Variants in DNAH17 observed in about 807,000 individuals in gnomAD.
The protein encoded by DNAH17 is axonemal beta dynein heavy chain 17.
In DNAH17, 376 loss-of-function variants were observed where a neutral mutation model predicts 485.6. That is an observed-to-expected ratio of 0.77 (90% confidence interval 0.71 to 0.84). The LOEUF (loss-of-function observed/expected upper bound fraction) is 0.84. Ranked by LOEUF, DNAH17 falls within the 40% of genes least tolerant of loss-of-function variation. DNAH17 has a pLI of 0.00. For missense variants in DNAH17, 6,370 were observed against 5,839.3 expected (o/e 1.09, Z -2.96); for synonymous variants, 3,031 against 2,405.9 (o/e 1.26, Z -7.60).
chr17:78,481,507 G>C (rs1334388011), intron 48 of DNAH17, among the ~76,000 whole-genome samples: 1 of 152,170 alleles, frequency 6.6e-6, no homozygotes, highest in Non-Finnish European at 1.5e-5. Context: ...TGGGGTTTAT[G>C]TTCCAGCTCT....
Position 78,575,230 on chromosome 17 carries a change from TTGGGG to T in DNAH17, c.-25-153_-25-149del, listed in dbSNP as rs369224794. On this transcript the variant is annotated intron_variant, in intron 1 of 80. Transcript: ENST00000389840. ...TGTGCAGTTTTTAGCTGTGGTTGGG[TTGGGG>T]TGGGGGTGCTTTAGCAGGTGCTGGC... is the stretch of plus-strand genomic sequence containing the variant. The T allele has an allele frequency of 2.3e-4, 153 of 674,250 alleles. No individual in the cohort carries two copies. The African/African-American group carries it at 2.6e-3, about 11-fold the overall frequency. The allele number at this position is 674,250 out of a possible 1,614,324, so 41.8% of individuals were successfully genotyped here.
chr17:78,530,453 G>A lies in DNAH17; in HGVS notation c.3174C>T (p.Phe1058=). The A allele has an allele frequency of 6.2e-7, 1 of 1,613,612 alleles. No individual in the cohort carries two copies. Among genetic ancestry groups the A allele is most frequent in the Non-Finnish European group, 8.5e-7 (1 of 1,179,748 alleles). ...EVSKCENTKV[F]HGWLQCDCRP... ...GGCAGTCGCACTGCAGCCAGCCGTG[G>A]AACACCTTGGTGTTCTCGCACTTGG... The change falls in exon 21 of 81, where the codon TTC becomes TTT. Residue 1058 remains phenylalanine, a synonymous_variant. Transcript: ENST00000389840.
chr17:78,429,703 A>G (rs1372892771), intron 75 of DNAH17, among the ~76,000 whole-genome samples: 2 of 152,084 alleles, frequency 1.3e-5, no homozygotes, highest in Admixed American at 1.3e-4. Flanking sequence ...TTACCATCTG[A>G]GACTCTGCCC....
At chr17:78,462,774 T>C in intron 57 of DNAH17, 70 bp downstream of exon 57, 2 of 1,502,604 alleles carry the variant, frequency 1.3e-6, no homozygotes, top group Non-Finnish European at 1.8e-6. Context: ...TGGATGCCTG[T>C]GACAGTAGCA....
In DNAH17 at chr17:78,570,366, T is replaced by G; in HGVS notation, c.925A>C (p.Thr309Pro). The G allele has an allele frequency of 1.9e-6, 3 of 1,609,956 alleles. No individual in the cohort carries two copies. The highest frequency in any genetic ancestry group is 2.5e-6 in the Non-Finnish European group (3 of 1,178,646). Residue 309 changes from threonine to proline, a missense_variant, in exon 7 of 81, where the codon ACC (threonine) becomes CCC (proline). By Grantham distance (38) the Thr-to-Pro change is conservative. Transcript: ENST00000389840. ...GTGTCCAGCACCTTGGCAATGAAGGTGGGGAGCTGGGGGGAGACAGGCCCA... is the reference window on the plus strand; with the variant it reads ...GTGTCCAGCACCTTGGCAATGAAGGGGGGGAGCTGGGGGGAGACAGGCCCA... The part of the protein sequence containing the change: ...MEQADFTMLP[T>P]FIAKVLDTIC...
rs1391132804 is a variant in DNAH17 at position 78,459,692 on chromosome 17, G to A, written c.9653+92C>T. 1.6e-5 allele frequency: 23 copies of A among 1,430,228 alleles called. No individual in the cohort carries two copies. The East Asian group carries it at 2.3e-4, about 14-fold the overall frequency. 88.6% of individuals were successfully genotyped at this position (1,430,228 alleles called of 1,614,324 possible). On this transcript the variant is annotated intron_variant, in intron 60 of 80. Coordinates refer to ENST00000389840, the MANE Select transcript of DNAH17 (RefSeq NM_173628.4). ...CTAGATTTTGAGCCACAGGCCCCAA[G>A]AGCCTGAGGCCATGCTTCACCTCAG...
chr17:78,571,677 C>A lies in DNAH17; in HGVS notation c.645G>T (p.Ala215=). ...GCAGGGGGTGCAGCCCATCCAGCAG[C>A]GCCTGGGCTGAGTCTTTGCTCAGCA... ...RDVLSKDSAQ[A]LLDGLHPLPQ... Residue 215 remains alanine (A), a synonymous_variant, in exon 4 of 81, where the codon GCG becomes GCT. Transcript: ENST00000389840. 6.2e-7 allele frequency: 1 copy of A among 1,614,006 alleles called. No homozygotes were observed. Among genetic ancestry groups the A allele is most frequent in the Non-Finnish European group, 8.5e-7 (1 of 1,179,856 alleles).
chr17:78,570,267 A>G lies in DNAH17; in HGVS notation c.1024T>C (p.Cys342Arg). Residue 342 changes from cysteine (C) to arginine (R), a missense_variant, in exon 7 of 81, where the codon TGC (cysteine) becomes CGC (arginine). By Grantham distance (180) the Cys-to-Arg change is radical. Transcript: ENST00000389840. The part of the protein sequence containing the change: ...ARIIVILQEF[C>R]NQIIEMTRTF... The stretch of plus-strand genomic sequence containing the variant: ...GTTACCATCTCGATGATTTGGTTGC[A>G]GAACTCCTGCAGGATGACGATGATC... The G allele has an allele frequency of 6.3e-7, 1 of 1,590,966 alleles. No homozygotes were observed. Among genetic ancestry groups the G allele is most frequent in the Non-Finnish European group, 8.6e-7 (1 of 1,168,914 alleles).
chr17:78,472,934 A>G (rs981617094), intron 54 of DNAH17, among the ~76,000 whole-genome samples: 1 of 152,024 alleles, frequency 6.6e-6, no homozygotes, highest in African/African-American at 2.4e-5. Context: ...AGACATCTTG[A>G]TGTAGTCTCG....
intron 74 of DNAH17, among the ~76,000 whole-genome samples, chr17:78,436,574 C>G (rs1326490911): frequency 6.6e-6 from 1 of 150,978 alleles, no homozygotes. Context: ...GGCAGGAGCA[C>G]CCCCGAGGAC....
At chr17:78,536,256 G>A (rs1598664143) in intron 19 of DNAH17, among the ~76,000 whole-genome samples, 3 of 151,988 alleles carry the variant, frequency 2.0e-5, no homozygotes, top group East Asian at 1.9e-4. Flanking sequence ...TGGCCAACAT[G>A]GTGAAACCCC....
rs758716329 is a variant in DNAH17 at position 78,525,103 on chromosome 17, C to T, written c.3770G>A (p.Gly1257Asp). 2.5e-6 allele frequency: 4 copies of T among 1,613,528 alleles called. No individual in the cohort carries two copies. The highest frequency in any genetic ancestry group is 3.4e-6 in the Non-Finnish European group (4 of 1,179,858). ...GTCTGGGACGGGGACCTCGAACAGGCCCCCGGACTTGGACAGCGCCTCCAT... is the reference window on the plus strand; with the variant it reads ...GTCTGGGACGGGGACCTCGAACAGGTCCCCGGACTTGGACAGCGCCTCCAT... ...GIMEALSKSG[G>D]LFEVPVPDYK... The change falls in exon 25 of 81, where the codon GGC (glycine) becomes GAC (aspartate). Residue 1257 changes from glycine to aspartate, a missense_variant. Transcript: ENST00000389840.
rs1287583481 is a variant in DNAH17, at chr17:78,537,185, A to AG, written c.2859+113_2859+114insC. 6 of 1,199,810 alleles carry AG rather than the reference A, an allele frequency of 5.0e-6. No individual in the cohort carries two copies. In the East Asian group the frequency reaches 1.4e-4, roughly 27 times the overall value. The allele number at this position is 1,199,810 out of a possible 1,614,324, so 74.3% of individuals were successfully genotyped here. A position where few individuals can be genotyped will look rare whatever the true frequency, so the allele number is the denominator to read the frequency against. On this transcript the variant is annotated intron_variant, in intron 19 of 80. Coordinates refer to ENST00000389840, the MANE Select transcript of DNAH17 (RefSeq NM_173628.4). The stretch of plus-strand genomic sequence containing the variant: ...AGAGTGAGATTCCGTCTCAAAAAAA[A>AG]AAAAAGAAAAAAAGAAAAGGTAAAC...
chr17:78,547,460 T>C (rs1188014793), intron 16 of DNAH17, among the ~76,000 whole-genome samples: 1 of 152,174 alleles, frequency 6.6e-6, no homozygotes, highest in Non-Finnish European at 1.5e-5. Flanking sequence ...TATTGTTCTG[T>C]ATCCTTGGGA....
intron 30 of DNAH17, 43 bp from the exon 31 acceptor site, chr17:78,505,488 G>T (rs767567603): frequency 1.2e-6 from 2 of 1,613,194 alleles, no homozygotes; most frequent in South Asian, 2.2e-5. Flanking sequence ...CGGGGGATTT[G>T]AAAGGCATGT....
At chr17:78,559,160 G>T (rs117779187) in intron 13 of DNAH17, among the ~76,000 whole-genome samples, 15,672 of 152,262 alleles carry the variant, frequency 0.1, 996 homozygotes, top group South Asian at 0.17. Context: ...GAGGTAATGA[G>T]ATGTCCAGTG....
rs931466687 is a variant in DNAH17 at position 78,451,478 on chromosome 17, T to C, written c.10725A>G (p.Glu3575=). The C allele has an allele frequency of 1.2e-6, 2 of 1,610,440 alleles. No individual in the cohort carries two copies. Among genetic ancestry groups the C allele is most frequent in the African/African-American group, 2.7e-5 (2 of 74,782 alleles). ...AACTTCAGGCCATTACCTTCAGCTGTTCCAGATCTGGGCGCTCTTTGGCCA... is the reference window on the plus strand; with the variant it reads ...AACTTCAGGCCATTACCTTCAGCTGCTCCAGATCTGGGCGCTCTTTGGCCA... The part of the protein sequence containing the change: ...AVVAKERPDL[E]QLKANLTKSQ... The change falls in exon 66 of 81, where the codon GAA becomes GAG. Residue 3575 remains glutamate (E), a synonymous_variant. Coordinates refer to ENST00000389840, the MANE Select transcript of DNAH17 (RefSeq NM_173628.4).
In DNAH17 at chr17:78,526,971, G is replaced by C; in HGVS notation, c.3533C>G (p.Thr1178Ser). 1.3e-6 allele frequency: 2 copies of C among 1,586,286 alleles called. No homozygotes were observed. Among genetic ancestry groups the C allele is most frequent in the Non-Finnish European group, 1.7e-6 (2 of 1,166,158 alleles). Residue 1178 changes from threonine to serine, a missense_variant, in exon 23 of 81, where the codon ACC (threonine) becomes AGC (serine). Transcript: ENST00000389840. ...LQELPEHWANTKKLAIQVKLT... is the reference protein window; with the variant it reads ...LQELPEHWANSKKLAIQVKLT... Reference sequence around the variant, plus strand: ...CTTCACCTGAATGGCCAGTTTCTTGGTATTTGCCCAGTGCTCCGGCAGCTC... The same window carrying C: ...CTTCACCTGAATGGCCAGTTTCTTGCTATTTGCCCAGTGCTCCGGCAGCTC...
intron 44 of DNAH17, among the ~76,000 whole-genome samples, chr17:78,488,988 TG>T: frequency 6.6e-6 from 1 of 152,100 alleles, no homozygotes; most frequent in Non-Finnish European, 1.5e-5. Context: ...CCTCCAGCAC[TG>T]GGAGAGGATA....
Sources: allele counts gnomAD v4.1 joint callset (sites outside exome capture counted in the v4.1 genomes callset), GRCh38; gene constraint gnomAD v4.1.1; transcripts MANE v1.5; gene names NCBI Gene and HGNC (gene_info 2026-07-23, HGNC 2026-07-21).